The following ATR variants were observed in gnomAD, a reference collection of about 807,000 sequenced individuals.
The protein encoded by ATR is serine/threonine-protein kinase ATR.
In ATR, 142 loss-of-function variants were observed where a neutral mutation model predicts 305.3. That is an observed-to-expected ratio of 0.47 (90% CI 0.41 to 0.53). The LOEUF is 0.53. ATR is among the 20% of genes least tolerant of loss of function. ATR has a pLI of 0.00. For synonymous variants in ATR, 1,050 were observed against 1,068.1 expected (o/e 0.98, Z 0.33); for missense variants, 2,135 against 3,133.1 (o/e 0.68, Z 7.60).
At chr3:142,455,252 TG>T (rs2070879554) in intron 45 of ATR, among the ~76,000 whole-genome samples, 1 of 152,086 alleles carries the variant, frequency 6.6e-6, no homozygotes, top group Non-Finnish European at 1.5e-5. Context: ...AAAACATTGA[TG>T]AAAAAAATAA....
rs1577507480 is a variant in ATR, at chr3:142,466,397, C to A, written c.6824G>T (p.Gly2275Val). 8 of 1,613,872 alleles carry A rather than the reference C, an allele frequency of 5.0e-6. No individual in the cohort carries two copies. The highest frequency in any genetic ancestry group is 6.8e-6 in the Non-Finnish European group (8 of 1,179,896). The change falls in exon 40 of 47, where the codon GGT (glycine) becomes GTT (valine). Residue 2275 changes from glycine (G) to valine (V), a missense_variant. Physicochemically the swap from Gly to Val is moderately radical, Grantham distance 109. Around this residue, in one of 9 missense-constraint regions of ATR, gnomAD observed 462 missense variants for 887.6 expected, o/e 0.52. Transcript: ENST00000350721. Reference sequence around the variant, plus strand: ...ATGGCTAGCATGGTTAGCATGGGTACCCAGAATTGATGGAAGTGTAGGTAT... The same window carrying A: ...ATGGCTAGCATGGTTAGCATGGGTAACCAGAATTGATGGAAGTGTAGGTAT... The part of the protein sequence containing the change: ...VMIPTLPSIL[G>V]THANHASHEP...
chr3:142,464,001 A>G (rs1255336015), intron 41 of ATR, among the ~76,000 whole-genome samples: 7 of 152,250 alleles, frequency 4.6e-5, no homozygotes, highest in Non-Finnish European at 1.0e-4. Context: ...GTTACAGAAT[A>G]ATTCAAAATA....
intron 35 of ATR, among the ~76,000 whole-genome samples, chr3:142,487,146 T>C (rs1036284242): frequency 1.3e-5 from 2 of 151,666 alleles, no homozygotes; most frequent in East Asian, 1.9e-4. Flanking sequence ...AAAATACATA[T>C]TATTATTAGA....
chr3:142,540,709 C>T (rs2034019634), intron 18 of ATR, among the ~76,000 whole-genome samples, 195 bp downstream of exon 18: 1 of 151,948 alleles, frequency 6.6e-6, no homozygotes, highest in Non-Finnish European at 1.5e-5. Context: ...TCTTCTATTT[C>T]CCAGTATGTT....
chr3:142,462,474 CT>C (rs201924643), intron 41 of ATR, among the ~76,000 whole-genome samples: 102 of 145,360 alleles, frequency 7.0e-4, no homozygotes, highest in Non-Finnish European at 4.9e-4. Context: ...TTTAATTTTT[CT>C]TTTTTTTTTT....
At chr3:142,507,804 A>T (rs1008967599) in intron 28 of ATR, 127 bp downstream of exon 28, 2 of 881,252 alleles carry the variant, frequency 2.3e-6, no homozygotes, top group Non-Finnish European at 3.5e-6. Flanking sequence ...ATTGATGTTT[A>T]TCTCTCCCCA....
chr3:142,505,043 C>CA, intron 29 of ATR, 96 bp downstream of exon 29: 1 of 1,474,210 alleles, frequency 6.8e-7, no homozygotes, highest in Non-Finnish European at 9.3e-7. Flanking sequence ...GACTCTGTCT[C>CA]AAAAACAAAA....
chr3:142,576,199 A>G (rs139210001), intron 1 of ATR, among the ~76,000 whole-genome samples: 26 of 152,332 alleles, frequency 1.7e-4, no homozygotes, highest in African/African-American at 5.5e-4. Flanking sequence ...AGGGAAAAAA[A>G]CCAAGGATGA....
chr3:142,550,283 T>A lies in ATR; in HGVS notation c.2825A>T (p.His942Leu). Residue 942 changes from histidine (H) to leucine (L), a missense_variant, in exon 14 of 47, where the codon CAC (histidine) becomes CTC (leucine). This residue lies in a region of ATR where 530 missense variants were observed against 766.8 expected (regional missense o/e 0.69). Coordinates refer to ENST00000350721, the MANE Select transcript of ATR (RefSeq NM_001184.4). Reference protein sequence around the residue: ...PICQFLVESLHSSQMTALPNT... With the variant: ...PICQFLVESLLSSQMTALPNT... ...CGGAAGTGCTGTCATCTGACTAGAGTGAAGGGATTCTACCAAAAACTAGAG... is the reference window on the plus strand; with the variant it reads ...CGGAAGTGCTGTCATCTGACTAGAGAGAAGGGATTCTACCAAAAACTAGAG... 1 of 1,614,118 alleles carries A rather than the reference T, an allele frequency of 6.2e-7. No individual in the cohort carries two copies. The highest frequency in any genetic ancestry group is 8.5e-7 in the Non-Finnish European group (1 of 1,180,000).
chr3:142,567,309 T>G (rs560134077), intron 2 of ATR, among the ~76,000 whole-genome samples: 26 of 152,010 alleles, frequency 1.7e-4, no homozygotes, highest in African/African-American at 6.0e-4. Flanking sequence ...AGATGAGGAG[T>G]TGGTCAGAGA....
chr3:142,498,509 A>G (rs2031771215), intron 32 of ATR, 88 bp downstream of exon 32: 7 of 1,269,156 alleles, frequency 5.5e-6, no homozygotes, highest in Non-Finnish European at 7.8e-6. Context: ...AACCAAACTC[A>G]CTATCAATTA....
chr3:142,522,846 AT>A lies in ATR; in HGVS notation c.4153-6del. Reference sequence around the variant, plus strand: ...GCTTGAATCTTCTACTCCAGTCTCAATCAGAAAAAAAAAAAAGAAAATTCCA... The same window carrying A: ...GCTTGAATCTTCTACTCCAGTCTCAACAGAAAAAAAAAAAAGAAAATTCCA... On this transcript the variant is annotated splice_polypyrimidine_tract_variant and splice_region_variant and intron_variant, in intron 22 of 46. Coordinates refer to ENST00000350721, the MANE Select transcript of ATR (RefSeq NM_001184.4). 6.3e-7 allele frequency: 1 copy of A among 1,593,860 alleles called. No individual in the cohort carries two copies. The highest frequency in any genetic ancestry group is 1.7e-5 in the Admixed American group (1 of 59,900).
intron 27 of ATR, among the ~76,000 whole-genome samples, chr3:142,509,633 C>T (rs1001928860): frequency 6.3e-5 from 9 of 141,962 alleles, no homozygotes; most frequent in Admixed American, 2.9e-4. Context: ...CTTGTCTCAC[C>T]GTAGCCTCAA....
intron 23 of ATR, among the ~76,000 whole-genome samples, chr3:142,521,743 A>C (rs2033158232): frequency 6.6e-6 from 1 of 152,204 alleles, no homozygotes; most frequent in Non-Finnish European, 1.5e-5. Context: ...GGACTGAATT[A>C]CTGCCTTCTC....
Position 142,559,365 on chromosome 3 carries a change from A to G in ATR, c.1618T>C (p.Tyr540His), listed in dbSNP as rs752124231. The change falls in exon 7 of 47, where the codon TAC (tyrosine) becomes CAC (histidine). Residue 540 changes from tyrosine (Y) to histidine (H), a missense_variant. Tyr to His is a moderately conservative substitution (Grantham distance 83). Transcript: ENST00000350721. ...VVITWMSLDF[Y>H]TKVLKSCRSL... ...CTACAGCTCTTAAGCACTTTTGTGTAAAAATCCAATGACATCCAAGTTATC... is the reference window on the plus strand; with the variant it reads ...CTACAGCTCTTAAGCACTTTTGTGTGAAAATCCAATGACATCCAAGTTATC... 6.2e-7 allele frequency: 1 copy of G among 1,613,916 alleles called. No individual in the cohort carries two copies. Among genetic ancestry groups the G allele is most frequent in the Admixed American group, 1.7e-5 (1 of 60,014 alleles).
chr3:142,524,783 T>A (rs1273632665), intron 21 of ATR, among the ~76,000 whole-genome samples: 1 of 152,140 alleles, frequency 6.6e-6, no homozygotes, highest in African/African-American at 2.4e-5. Context: ...TAATGATAAA[T>A]ATGTCAATTC....
intron 1 of ATR, among the ~76,000 whole-genome samples, chr3:142,574,378 C>T (rs1253605260): frequency 4.7e-5 from 7 of 150,238 alleles, no homozygotes; most frequent in Non-Finnish European, 1.0e-4. Context: ...GGGAGGATCG[C>T]TTGACCCCAG....
intron 13 of ATR, among the ~76,000 whole-genome samples, chr3:142,550,975 TG>T (rs1171867309): frequency 1.3e-5 from 2 of 152,068 alleles, no homozygotes; most frequent in Non-Finnish European, 2.9e-5. Context: ...TTAGTAGACA[TG>T]GGGTTTCACC....
Position 142,535,064 on chromosome 3 carries a change from T to C in ATR, c.3945+16A>G, listed in dbSNP as rs2033804264. 1 of 1,603,014 alleles carries C rather than the reference T, an allele frequency of 6.2e-7. No individual in the cohort carries two copies. ...TTTCTTTGTTATACATTTTTAATTA[T>C]ATCATATTAGCATACCTGATTTTTA... On this transcript the variant is annotated intron_variant, in intron 21 of 46. Transcript: ENST00000350721.
Sources: gnomAD v4.1 joint callset for allele counts (sites outside exome capture counted in the v4.1 genomes callset) on GRCh38, gnomAD v4.1.1 for gene constraint, gnomAD v4.1.1 regional missense constraint, MANE v1.5 for transcripts, NCBI Gene and HGNC (gene_info 2026-07-23, HGNC 2026-07-21) for gene names.